The following SMG6 variants were observed in gnomAD, a reference collection of about 807,000 sequenced individuals.
The protein encoded by SMG6 is telomerase-binding protein EST1A.
Under a neutral mutation model 142.2 loss-of-function variants are expected in SMG6, and 66 were observed. The observed-to-expected ratio is 0.46, with a 90% confidence interval of 0.38 to 0.57. The LOEUF (loss-of-function observed/expected upper bound fraction) is 0.57, where lower values mean the gene tolerates loss of function less well. Ranked by LOEUF, SMG6 falls within the 20% of genes least tolerant of loss-of-function variation. The pLI is 0.00. For synonymous variants in SMG6, 779 were observed against 702.4 expected (o/e 1.11, Z -1.72); for missense variants, 1,793 against 1,832.0 (o/e 0.98, Z 0.39).
chr17:2,244,604 A>T, intron 9 of SMG6, 54 bp downstream of exon 9: 1 of 1,448,418 alleles, frequency 6.9e-7, no homozygotes, highest in Non-Finnish European at 9.7e-7. Flanking sequence ...ACAATATTAA[A>T]TTCCAAAATG....
intron 8 of SMG6, among the ~76,000 whole-genome samples, chr17:2,279,271 G>C (rs1319431514): frequency 6.6e-6 from 1 of 152,196 alleles, no homozygotes; most frequent in Non-Finnish European, 1.5e-5. Context: ...CCAGAAAAGA[G>C]CTTGGATCCT....
intron 13 of SMG6, among the ~76,000 whole-genome samples, chr17:2,154,678 A>T (rs1442521691): frequency 6.6e-6 from 1 of 152,186 alleles, no homozygotes; most frequent in Non-Finnish European, 1.5e-5. Context: ...GGAAGGGATT[A>T]ATGTGCACAG....
At chr17:2,097,930 A>T (rs1273040886) in intron 13 of SMG6, among the ~76,000 whole-genome samples, 1 of 152,080 alleles carries the variant, frequency 6.6e-6, no homozygotes, top group Non-Finnish European at 1.5e-5. Context: ...AATAGACTTA[A>T]CAGCATTACT....
Position 2,300,013 on chromosome 17 carries a change from G to C in SMG6, c.740C>G (p.Ser247Ter). The change falls in exon 2 of 19, where the codon TCA becomes TGA. Residue 247 changes from serine to a stop codon, truncating the protein, a stop_gained. Transcript: ENST00000263073. LOFTEE classifies it high-confidence loss of function. Reference sequence around the variant, plus strand: ...GCGGTAGCGATTCCTTCGTTTGTCTGAGCGGGAGTAGCGCTTTGCGGAGCC... The same window carrying C: ...GCGGTAGCGATTCCTTCGTTTGTCTCAGCGGGAGTAGCGCTTTGCGGAGCC... ...RPGSAKRYSR[S>*]DKRRNRYRTR... 1 of 1,614,150 alleles carries C rather than the reference G, an allele frequency of 6.2e-7. No individual in the cohort carries two copies. The highest frequency in any genetic ancestry group is 8.5e-7 in the Non-Finnish European group (1 of 1,180,044).
intron 8 of SMG6, among the ~76,000 whole-genome samples, chr17:2,249,141 C>T (rs1049185672): frequency 3.3e-5 from 5 of 151,990 alleles, no homozygotes; most frequent in African/African-American, 1.2e-4. Context: ...GATCCGCCCG[C>T]CTTGGCCTCC....
At chr17:2,182,439 G>A (rs930889125) in intron 12 of SMG6, among the ~76,000 whole-genome samples, 17 of 152,266 alleles carry the variant, frequency 1.1e-4, no homozygotes, top group African/African-American at 1.4e-4. Context: ...CGCCCACACC[G>A]TTACAGAGCT....
intron 13 of SMG6, among the ~76,000 whole-genome samples, chr17:2,163,852 C>T (rs1304516321): frequency 6.6e-6 from 1 of 152,088 alleles, no homozygotes; most frequent in African/African-American, 2.4e-5. Context: ...CACTTGAGGT[C>T]AGGAGTTCGC....
chr17:2,191,308 G>A (rs2072154827), intron 10 of SMG6, among the ~76,000 whole-genome samples: 1 of 152,104 alleles, frequency 6.6e-6, no homozygotes, highest in African/African-American at 2.4e-5. Context: ...TTACACAAGT[G>A]GGTAGGAAAA....
intron 8 of SMG6, among the ~76,000 whole-genome samples, chr17:2,256,499 C>T (rs138407820): frequency 3.9e-5 from 6 of 152,210 alleles, no homozygotes; most frequent in East Asian, 1.9e-4. Context: ...CGGTGGGTCA[C>T]GCCTGTAATC....
chr17:2,082,533 T>C (rs548179893), intron 14 of SMG6, among the ~76,000 whole-genome samples: 3 of 152,278 alleles, frequency 2.0e-5, no homozygotes, highest in African/African-American at 4.8e-5. Context: ...GCTGGGCCCC[T>C]TTACTGGAAT....
At chr17:2,242,054 C>A (rs1048145522) in intron 9 of SMG6, among the ~76,000 whole-genome samples, 1 of 152,102 alleles carries the variant, frequency 6.6e-6, no homozygotes, top group Non-Finnish European at 1.5e-5. Context: ...CCCCTCACAG[C>A]AGAGTCATCT....
At position 2,221,382 on chromosome 17, in the gene SMG6, C is replaced by T. The variant is rs937928862; in HGVS notation, c.2869+15110G>A. On this transcript the variant is annotated intron_variant, in intron 10 of 18. Transcript: ENST00000263073. The stretch of plus-strand genomic sequence containing the variant: ...TTCCTCCTGCTCCAGCCATGGAAGA[C>T]GTGCCTCCTTCCTCTTTGCCTTCCA... Among the ~76,000 whole-genome samples, 7 of 152,162 alleles carry T rather than the reference C, an allele frequency of 4.6e-5. No homozygotes were observed. In the South Asian group the frequency reaches 6.2e-4, roughly 13 times the overall value.
At chr17:2,237,971 T>C (rs557344351) in intron 9 of SMG6, among the ~76,000 whole-genome samples, 1 of 152,216 alleles carries the variant, frequency 6.6e-6, no homozygotes, top group Non-Finnish European at 1.5e-5. Context: ...CAGCTCCAGG[T>C]TGGATTAACA....
intron 8 of SMG6, among the ~76,000 whole-genome samples, chr17:2,259,775 C>G (rs546686594): frequency 6.6e-6 from 1 of 151,956 alleles, no homozygotes; most frequent in Admixed American, 6.6e-5. Flanking sequence ...TATAACCTCT[C>G]TACCTACCTA....
intron 13 of SMG6, chr17:2,087,623 T>C: frequency 3.0e-6 from 3 of 996,634 alleles, no homozygotes; most frequent in Non-Finnish European, 3.6e-6. Context: ...CTTGCCTCCG[T>C]GAAGGAGAAG....
At chr17:2,192,464 G>A (rs1054553519) in intron 10 of SMG6, among the ~76,000 whole-genome samples, 7 of 152,184 alleles carry the variant, frequency 4.6e-5, no homozygotes, top group Admixed American at 3.3e-4. Flanking sequence ...TGAGGGCACT[G>A]GGGTCCACGA....
At chr17:2,087,616 G>A in intron 13 of SMG6, 1 of 997,156 alleles carries the variant, frequency 1.0e-6, no homozygotes, top group Non-Finnish European at 1.2e-6. Flanking sequence ...TCCTGGGCTT[G>A]CCTCCGTGAA....
intron 8 of SMG6, among the ~76,000 whole-genome samples, chr17:2,261,855 T>C (rs2074322794): frequency 6.6e-6 from 1 of 152,202 alleles, no homozygotes; most frequent in African/African-American, 2.4e-5. Flanking sequence ...TATTCAACCT[T>C]TTGACATATG....
At chr17:2,273,523 C>T (rs2074584137) in intron 8 of SMG6, among the ~76,000 whole-genome samples, 1 of 152,198 alleles carries the variant, frequency 6.6e-6, no homozygotes, top group Non-Finnish European at 1.5e-5. Context: ...GTCCCAGCTA[C>T]ACGGGAGGCT....
Sources: gnomAD v4.1 joint callset for allele counts (sites outside exome capture counted in the v4.1 genomes callset) on GRCh38, gnomAD v4.1.1 for gene constraint, MANE v1.5 for transcripts, NCBI Gene and HGNC (gene_info 2026-07-23, HGNC 2026-07-21) for gene names.